Variants in TIMM50 observed in about 807,000 individuals in gnomAD.
TIMM50 encodes mitochondrial import inner membrane translocase subunit TIM50.
A neutral mutation model predicts 49.6 loss-of-function variants in TIMM50; 34 were observed. The ratio of observed to expected loss-of-function variants is 0.69; its 90% CI spans 0.52 to 0.91. TIMM50 has a LOEUF of 0.91. Ranked by LOEUF, TIMM50 falls within the 40% of genes least tolerant of loss-of-function variation. The pLI, the probability that TIMM50 is intolerant of heterozygous loss-of-function variation, is 0.00. For missense variants in TIMM50, 458 were observed against 477.8 expected, an observed-to-expected ratio of 0.96 and a Z score of 0.39; for synonymous variants, 199 against 198.4, an observed-to-expected ratio of 1.00 and a Z score of -0.03.
At chr19:39,483,218 T>C in intron 4 of TIMM50, 62 bp downstream of exon 4, 1 of 1,606,040 alleles carries the variant, frequency 6.2e-7, no homozygotes, top group Non-Finnish European at 8.5e-7. Context: ...TTTGTAAGGA[T>C]GTCTCTCTCC....
intron 5 of TIMM50, 33 bp downstream of exon 5, chr19:39,485,635 CT>C (rs2079499659): frequency 6.2e-7 from 1 of 1,614,040 alleles, no homozygotes; most frequent in African/African-American, 1.3e-5. Context: ...GTCCCCATGT[CT>C]CCAGCCCTGG....
intron 4 of TIMM50, among the ~76,000 whole-genome samples, chr19:39,484,787 T>C (rs958454588): frequency 6.6e-6 from 1 of 152,028 alleles, no homozygotes; most frequent in African/African-American, 2.4e-5. Context: ...ATAAATTAGG[T>C]GTGGTGGCTC....
chr19:39,485,814 C>T lies in TIMM50; in HGVS notation c.492+7C>T, dbSNP rs201484883. ...CTTGCATCCTGAGTGGTCGGTGTGTCCCGGGAAACCCAGTGGGTTGGGGAT... is the reference window on the plus strand; with the variant it reads ...CTTGCATCCTGAGTGGTCGGTGTGTTCCGGGAAACCCAGTGGGTTGGGGAT... On this transcript the variant is annotated splice_region_variant and intron_variant, in intron 6 of 10. Transcript: ENST00000607714. 6.2e-5 allele frequency: 100 copies of T among 1,614,010 alleles called. No individual in the cohort carries two copies. The highest frequency in any genetic ancestry group is 2.4e-4 in the African/African-American group (18 of 75,022).
intron 4 of TIMM50, 186 bp downstream of exon 4, chr19:39,483,342 C>G: frequency 1.5e-6 from 1 of 687,308 alleles, no homozygotes; most frequent in Admixed American, 2.9e-5. Flanking sequence ...CCTGGCCCCT[C>G]AGCCCCGAGC....
rs1404915123 is a variant in TIMM50 at position 39,490,194 on chromosome 19, A to T, written c.*374A>T. 9.7e-6 allele frequency: 2 copies of T among 205,680 alleles called. No homozygotes were observed. The highest frequency in any genetic ancestry group is 1.0e-4 in the Admixed American group (2 of 19,212). The allele number at this position is 205,680 out of a possible 1,614,324, so 12.7% of individuals were successfully genotyped here. On this transcript the variant is annotated 3_prime_UTR_variant, in exon 11 of 11. Coordinates refer to ENST00000607714, the MANE Select transcript of TIMM50 (RefSeq NM_001001563.5). ...GAGGATGGCACTTGGCTTTAAAGAC[A>T]GGTAGCTGCCAGGCTACTGTGGAGA...
At position 39,486,495 on chromosome 19, in the gene TIMM50, G is replaced by A; in HGVS notation, c.696G>A (p.Lys232=). ...ATRYMDGHHV[K]DISCLNRDPA... is the part of the protein sequence containing the mutation. ...GATACATGGATGGACACCATGTAAA[G>A]GTGCCGTGGGTTCATGGGTGGGCCT... Residue 232 remains lysine (K), a splice_region_variant and synonymous_variant, in exon 8 of 11, where the codon AAG becomes AAA. Coordinates refer to ENST00000607714, the MANE Select transcript of TIMM50 (RefSeq NM_001001563.5). The A allele has an allele frequency of 6.2e-7, 1 of 1,614,024 alleles. No individual in the cohort carries two copies. Among genetic ancestry groups the A allele is most frequent in the Non-Finnish European group, 8.5e-7 (1 of 1,179,902 alleles).
chr19:39,482,829 C>G, intron 2 of TIMM50, 56 bp from the exon 3 acceptor site: 1 of 1,610,132 alleles, frequency 6.2e-7, no homozygotes, highest in African/African-American at 1.3e-5. Context: ...ACTCCTCCCT[C>G]GGGACCCAGG....
Position 39,493,019 on chromosome 19 carries a change from CCTT to C in TIMM50, c.*3202_*3204del, listed in dbSNP as rs1788909521. ...TAACTGATTAAATATTCTAAGATGA[CCTT>C]CTCTGGTGTGTGTGATGATAATTAA... On this transcript the variant is annotated 3_prime_UTR_variant, in exon 11 of 11. Transcript: ENST00000607714. The C allele has an allele frequency of 6.6e-6, 1 of 151,838 alleles. No individual in the cohort carries two copies. Among genetic ancestry groups the C allele is most frequent in the South Asian group, 2.1e-4 (1 of 4,814 alleles). 9.4% of individuals were successfully genotyped at this position (151,838 alleles called of 1,614,324 possible). A position where few individuals can be genotyped will look rare whatever the true frequency, so the allele number is the denominator to read the frequency against.
At chr19:39,483,269 G>A (rs2079484713) in intron 4 of TIMM50, 113 bp downstream of exon 4, 1 of 1,430,256 alleles carries the variant, frequency 7.0e-7, no homozygotes, top group Non-Finnish European at 9.8e-7. Flanking sequence ...CACTGGGGAG[G>A]TGGGGGAGCC....
intron 4 of TIMM50, chr19:39,483,525 A>C: frequency 9.0e-6 from 2 of 223,450 alleles, no homozygotes; most frequent in East Asian, 1.0e-4. Context: ...TTTCAAAACT[A>C]TGCCGCCTTC....
In TIMM50 at chr19:39,486,486, C is replaced by T. The variant is rs757952291; in HGVS notation, c.687C>T (p.His229=). Reference sequence around the variant, plus strand: ...ACGCCACAAGATACATGGATGGACACCATGTAAAGGTGCCGTGGGTTCATG... The same window carrying T: ...ACGCCACAAGATACATGGATGGACATCATGTAAAGGTGCCGTGGGTTCATG... ...FRDATRYMDG[H]HVKDISCLNR... Residue 229 remains histidine (H), a synonymous_variant, in exon 8 of 11, where the codon CAC becomes CAT. Coordinates refer to ENST00000607714, the MANE Select transcript of TIMM50 (RefSeq NM_001001563.5). The T allele has an allele frequency of 4.9e-5, 79 of 1,614,030 alleles. No individual in the cohort carries two copies. In the South Asian group the frequency reaches 8.6e-4, roughly 17 times the overall value.
intron 2 of TIMM50, among the ~76,000 whole-genome samples, chr19:39,482,651 C>G (rs1600737595): frequency 6.8e-6 from 1 of 146,860 alleles, no homozygotes; most frequent in Non-Finnish European, 1.5e-5. Flanking sequence ...CAGAGCGAGA[C>G]TCTGTCTCAA....
intron 4 of TIMM50, 192 bp from the exon 5 acceptor site, chr19:39,485,352 G>A (rs1433617654): frequency 1.1e-5 from 7 of 634,914 alleles, no homozygotes; most frequent in African/African-American, 1.8e-5. Context: ...TTAAAATAGG[G>A]CAAGTAAATA....
At position 39,485,580 on chromosome 19, in the gene TIMM50, A is replaced by G. The variant is rs747390713; in HGVS notation, c.350A>G (p.Lys117Arg). The change falls in exon 5 of 11, where the codon AAA (lysine) becomes AGA (arginine). Residue 117 changes from lysine (K) to arginine (R), a missense_variant. Physicochemically the swap from Lys to Arg is conservative, Grantham distance 26. Coordinates refer to ENST00000607714, the MANE Select transcript of TIMM50 (RefSeq NM_001001563.5). ...GTACAGCAGTTGCGCCGGACATACA[A>G]ATATTTCAAAGATTATAGACAGGTG... The part of the protein sequence containing the change: ...ILVQQLRRTY[K>R]YFKDYRQMII... The G allele has an allele frequency of 1.2e-6, 2 of 1,614,074 alleles. No homozygotes were observed. Among genetic ancestry groups the G allele is most frequent in the South Asian group, 2.2e-5 (2 of 91,084 alleles).
At chr19:39,483,713 T>C (rs1030802552) in intron 4 of TIMM50, among the ~76,000 whole-genome samples, 1 of 152,182 alleles carries the variant, frequency 6.6e-6, no homozygotes. Flanking sequence ...TGTTAATACA[T>C]TGATTGTTTC....
chr19:39,485,129 T>C (rs2079496029), intron 4 of TIMM50: 1 of 177,378 alleles, frequency 5.6e-6, no homozygotes, highest in East Asian at 1.4e-4. Context: ...GCTAATTTTT[T>C]TTTTTTTTTA....
chr19:39,483,073 T>C, intron 3 of TIMM50, 62 bp from the exon 4 acceptor site: 1 of 1,612,430 alleles, frequency 6.2e-7, no homozygotes, highest in Non-Finnish European at 8.5e-7. Context: ...ATTCCTTTTC[T>C]GTATGTGATG....
rs753597017 is a variant in TIMM50, at chr19:39,486,377, C to T, written c.598-20C>T. The T allele has an allele frequency of 1.3e-5, 21 of 1,613,628 alleles. No homozygotes were observed. Among genetic ancestry groups the T allele is most frequent in the East Asian group, 6.7e-5 (3 of 44,886 alleles). ...ACCAGGGCTCAGCCTGACCTTTTCT[C>T]GCTCCCTTCCCACCCCCAGACTGCG... On this transcript the variant is annotated intron_variant, in intron 7 of 10. Transcript: ENST00000607714.
rs149541072 is a variant in TIMM50, at chr19:39,487,799, C to T, written c.697-262C>T. On this transcript the variant is annotated intron_variant, in intron 8 of 10. Transcript: ENST00000607714. ...TAGATACGGGGTTTCACCATTTTAG[C>T]CAGGCTGGTCTTGAACTCCTGACCT... 8.9e-4 allele frequency among the ~76,000 whole-genome samples: 135 copies of T among 152,142 alleles called. 4 individuals carry two copies. The East Asian group carries it at 0.022, about 25-fold the overall frequency.
Sources: allele counts gnomAD v4.1 joint callset (sites outside exome capture counted in the v4.1 genomes callset), GRCh38; gene constraint gnomAD v4.1.1; transcripts MANE v1.5; gene names NCBI Gene and HGNC (gene_info 2026-07-23, HGNC 2026-07-21).